Variants in PIP5K1B observed in about 807,000 individuals in gnomAD.
PIP5K1B encodes phosphatidylinositol 4-phosphate 5-kinase type-1 beta.
Under a neutral mutation model 67.0 loss-of-function variants are expected in PIP5K1B, and 42 were observed. That is an observed-to-expected ratio of 0.63 (90% CI 0.49 to 0.81). PIP5K1B has a LOEUF of 0.81. Among genes scored for constraint, PIP5K1B ranks in the 30% least tolerant of loss-of-function variants. PIP5K1B has a pLI of 0.00. For missense variants in PIP5K1B, 459 were observed against 646.3 expected (o/e 0.71, Z 3.14); for synonymous variants, 214 against 231.4 (o/e 0.92, Z 0.68).
intron 7 of PIP5K1B, among the ~76,000 whole-genome samples, chr9:68,892,523 A>G (rs1824847089): frequency 6.6e-6 from 1 of 152,222 alleles, no homozygotes; most frequent in Admixed American, 6.5e-5. Flanking sequence ...CTCAATTGGA[A>G]AATGTCAGAC....
chr9:68,975,354 C>G (rs952826186), intron 14 of PIP5K1B, among the ~76,000 whole-genome samples: 2 of 152,234 alleles, frequency 1.3e-5, no homozygotes, highest in Admixed American at 6.5e-5. Flanking sequence ...CAGGCATGAG[C>G]CACTGCACCC....
At chr9:68,867,477 G>A (rs1823416115) in intron 5 of PIP5K1B, among the ~76,000 whole-genome samples, 1 of 152,244 alleles carries the variant, frequency 6.6e-6, no homozygotes, top group Non-Finnish European at 1.5e-5. Context: ...TCTCAATGGA[G>A]GTGCTATTGG....
At chr9:68,771,345 T>C (rs1217526882) in intron 2 of PIP5K1B, among the ~76,000 whole-genome samples, 1 of 152,254 alleles carries the variant, frequency 6.6e-6, no homozygotes, top group East Asian at 1.9e-4. Context: ...CCCTCATCTA[T>C]CTTTCTGATA....
At chr9:68,984,143 A>G (rs1464398969) in intron 14 of PIP5K1B, among the ~76,000 whole-genome samples, 2 of 152,230 alleles carry the variant, frequency 1.3e-5, no homozygotes, top group Non-Finnish European at 1.5e-5. Flanking sequence ...CTGTATTATT[A>G]TTCTCATTTT....
At chr9:68,821,298 A>G (rs566299828) in intron 3 of PIP5K1B, among the ~76,000 whole-genome samples, 1 of 152,330 alleles carries the variant, frequency 6.6e-6, no homozygotes, top group South Asian at 2.1e-4. Context: ...AAGAATATTA[A>G]TAATGCACTT....
chr9:68,863,537 T>A (rs1480178577), intron 4 of PIP5K1B, among the ~76,000 whole-genome samples: 1 of 152,246 alleles, frequency 6.6e-6, no homozygotes, highest in Non-Finnish European at 1.5e-5. Flanking sequence ...GTCCCCATGC[T>A]GTATGTTTTA....
At chr9:68,942,371 G>A (rs1365836844) in intron 14 of PIP5K1B, among the ~76,000 whole-genome samples, 3 of 152,186 alleles carry the variant, frequency 2.0e-5, no homozygotes, top group Admixed American at 2.0e-4. Context: ...GATAATTATT[G>A]GGGCATATAA....
chr9:68,994,934 G>A (rs918042994), intron 15 of PIP5K1B, among the ~76,000 whole-genome samples: 1 of 151,504 alleles, frequency 6.6e-6, no homozygotes, highest in African/African-American at 2.4e-5. Context: ...CCAGGAGTTC[G>A]AGACCAGCCA....
chr9:68,767,799 T>C (rs1486919335), intron 2 of PIP5K1B, among the ~76,000 whole-genome samples: 1 of 152,028 alleles, frequency 6.6e-6, no homozygotes, highest in Admixed American at 6.5e-5. Flanking sequence ...GTAGATTAAT[T>C]TGGGCAGTGG....
chr9:68,761,924 C>T (rs969608382), intron 2 of PIP5K1B, among the ~76,000 whole-genome samples: 1 of 152,100 alleles, frequency 6.6e-6, no homozygotes, highest in Non-Finnish European at 1.5e-5. Context: ...CATTATTCTG[C>T]CTATCGCATT....
intron 2 of PIP5K1B, chr9:68,781,087 A>G: frequency 6.5e-7 from 1 of 1,539,972 alleles, no homozygotes; most frequent in Non-Finnish European, 8.8e-7. Context: ...TAGTTGGGGC[A>G]AACACTGAAC....
chr9:68,959,350 T>G (rs1828588855), intron 14 of PIP5K1B, among the ~76,000 whole-genome samples: 2 of 152,172 alleles, frequency 1.3e-5, no homozygotes, highest in African/African-American at 4.8e-5. Context: ...AAATACTATA[T>G]TCTCTTCATA....
Position 68,946,072 on chromosome 9 carries a change from A to G in PIP5K1B, c.1502+5282A>G, listed in dbSNP as rs140429798. ...ACTCCAAATCACTACGTAATCATCG[A>G]GAAAAGACTTTTATTAGATATGTTC... On this transcript the variant is annotated intron_variant, in intron 14 of 15. Coordinates refer to ENST00000265382, the MANE Select transcript of PIP5K1B (RefSeq NM_003558.4). Among the ~76,000 whole-genome samples, 874 of 152,370 alleles carry G rather than the reference A, an allele frequency of 5.7e-3. 5 individuals carry two copies. The highest frequency in any genetic ancestry group is 0.031 in the Middle Eastern group (9 of 294).
At chr9:68,780,961 A>G in intron 2 of PIP5K1B, 2 of 1,613,714 alleles carry the variant, frequency 1.2e-6, no homozygotes, top group Non-Finnish European at 1.7e-6. Context: ...ACTACCACCG[A>G]CTCTCCTGTG....
At chr9:68,750,324 A>G (rs1308617206) in intron 2 of PIP5K1B, among the ~76,000 whole-genome samples, 1 of 152,228 alleles carries the variant, frequency 6.6e-6, no homozygotes, top group Non-Finnish European at 1.5e-5. Flanking sequence ...ATTGCCTGTC[A>G]GTTATGCTAA....
intron 8 of PIP5K1B, among the ~76,000 whole-genome samples, chr9:68,900,341 T>C (rs1825299734): frequency 6.6e-6 from 1 of 152,246 alleles, no homozygotes; most frequent in Non-Finnish European, 1.5e-5. Flanking sequence ...GCACCTGGCT[T>C]ATTCTATACA....
intron 14 of PIP5K1B, among the ~76,000 whole-genome samples, chr9:68,983,716 A>G (rs1366690460): frequency 6.6e-6 from 1 of 152,170 alleles, no homozygotes; most frequent in African/African-American, 2.4e-5. Context: ...GCTTGTTGCA[A>G]ATTGTGTGCA....
At chr9:68,874,586 T>C (rs1010346793) in intron 5 of PIP5K1B, among the ~76,000 whole-genome samples, 3 of 152,118 alleles carry the variant, frequency 2.0e-5, no homozygotes, top group African/African-American at 7.2e-5. Flanking sequence ...TCCAAGGAGC[T>C]CAGAACTAAC....
At chr9:68,897,353 C>A (rs140065925) in intron 8 of PIP5K1B, among the ~76,000 whole-genome samples, 1 of 152,254 alleles carries the variant, frequency 6.6e-6, no homozygotes, top group East Asian at 1.9e-4. Flanking sequence ...ATGAGGTGCA[C>A]GACCTTTATT....
Sources: gnomAD v4.1 joint callset for allele counts (sites outside exome capture counted in the v4.1 genomes callset) on GRCh38, gnomAD v4.1.1 for gene constraint, MANE v1.5 for transcripts, NCBI Gene and HGNC (gene_info 2026-07-23, HGNC 2026-07-21) for gene names.